PDXDC1: variants seen among roughly 807,000 people sequenced by gnomAD.
PDXDC1 encodes the protein pyridoxal-dependent decarboxylase domain-containing protein 1.
PDXDC1 carries 42 observed loss-of-function variants against 100.1 expected under a neutral mutation model. The observed-to-expected ratio is 0.42, with a 90% CI of 0.33 to 0.54. PDXDC1 has a LOEUF of 0.54. Ranked by LOEUF, PDXDC1 falls within the 20% of genes least tolerant of loss-of-function variation. PDXDC1 has a pLI of 0.10. For missense variants in PDXDC1, 636 were observed against 979.2 expected, an observed-to-expected ratio of 0.65 and a Z score of 4.68; for synonymous variants, 260 against 371.7, an observed-to-expected ratio of 0.70 and a Z score of 3.46.
intron 16 of PDXDC1, among the ~76,000 whole-genome samples, chr16:15,082,462 C>G (rs2045747797): frequency 6.6e-6 from 1 of 152,042 alleles, no homozygotes; most frequent in African/African-American, 2.4e-5. Context: ...CGCTTGAGGT[C>G]AGGAGTTCAA....
intron 16 of PDXDC1, chr16:15,092,378 T>C (rs2046169409): frequency 5.9e-6 from 4 of 675,388 alleles, no homozygotes; most frequent in Non-Finnish European, 5.4e-6. Context: ...GACGGCATCA[T>C]GCTATTATTA....
chr16:14,995,046 A>G (rs1361952144), intron 1 of PDXDC1, among the ~76,000 whole-genome samples: 5 of 152,422 alleles, frequency 3.3e-5, no homozygotes, highest in Admixed American at 1.3e-4. Flanking sequence ...TTGGGCTGAG[A>G]CGATGGGGTT....
At chr16:15,128,195 G>T (rs1336540446) in intron 16 of PDXDC1, 1 of 1,610,556 alleles carries the variant, frequency 6.2e-7, no homozygotes, top group Middle Eastern at 2.3e-4. Flanking sequence ...GGGCAGAGGG[G>T]CAGAGCTTGG....
intron 1 of PDXDC1, among the ~76,000 whole-genome samples, chr16:14,984,495 A>ATATATATATATTTTTTT (rs1555542734): frequency 1.4e-5 from 1 of 73,498 alleles, no homozygotes; most frequent in African/African-American, 5.0e-5. Context: ...ATATATATAT[A>ATATATATATATTTTTTT]TTTTTTTTTT....
intron 16 of PDXDC1, among the ~76,000 whole-genome samples, chr16:15,049,786 G>A (rs889413899): frequency 1.3e-5 from 2 of 152,146 alleles, no homozygotes; most frequent in African/African-American, 4.8e-5. Context: ...AGTAAATTGG[G>A]CACAGAACCA....
intron 16 of PDXDC1, chr16:15,084,494 G>A: frequency 1.7e-6 from 1 of 578,828 alleles, no homozygotes. Context: ...GCCACTTTTT[G>A]TAGAATGTAA....
chr16:15,041,713 T>C (rs925977498), downstream of PDXDC1: 10 of 1,482,474 alleles, frequency 6.7e-6, no homozygotes, highest in Non-Finnish European at 9.4e-6. Flanking sequence ...GTCAGAAAAG[T>C]TCCTCTAGTT....
intron 16 of PDXDC1, among the ~76,000 whole-genome samples, chr16:15,071,740 C>T (rs1422566084): frequency 2.6e-5 from 4 of 152,264 alleles, no homozygotes; most frequent in African/African-American, 9.6e-5. Context: ...TACACTCCAG[C>T]CTGGGTGACA....
At chr16:15,086,341 C>T in intron 16 of PDXDC1, 6 of 1,612,862 alleles carry the variant, frequency 3.7e-6, no homozygotes, top group Non-Finnish European at 5.1e-6. Context: ...ACATACTTTA[C>T]AGTAAAATAA....
intron 16 of PDXDC1, chr16:15,086,024 T>C (rs2045904294): frequency 5.9e-6 from 5 of 845,676 alleles, no homozygotes; most frequent in East Asian, 2.7e-5. Context: ...GGTGCCAATA[T>C]GCATCTGGAA....
At chr16:15,089,274 G>C (rs2046024619) in intron 16 of PDXDC1, among the ~76,000 whole-genome samples, 2 of 152,012 alleles carry the variant, frequency 1.3e-5, no homozygotes, top group Admixed American at 1.3e-4. Context: ...CTAGGTGACA[G>C]AGCAAGACTC....
intron 1 of PDXDC1, among the ~76,000 whole-genome samples, chr16:14,978,300 T>C (rs924845099): frequency 6.6e-6 from 1 of 152,294 alleles, no homozygotes; most frequent in African/African-American, 2.4e-5. Context: ...GTACTTATGT[T>C]AATATTCAAT....
At chr16:15,133,513 T>C in intron 16 of PDXDC1, 1 of 894,758 alleles carries the variant, frequency 1.1e-6, no homozygotes, top group South Asian at 1.4e-5. Flanking sequence ...CCACAGCGGC[T>C]CCCAGCTGGT....
chr16:15,043,584 A>C (rs534767181), intron 16 of PDXDC1, among the ~76,000 whole-genome samples: 1 of 152,212 alleles, frequency 6.6e-6, no homozygotes, highest in South Asian at 2.1e-4. Flanking sequence ...CCATCATATG[A>C]GTAAGCTTGC....
intron 16 of PDXDC1, chr16:15,061,814 G>C (rs755227377): frequency 1.9e-6 from 3 of 1,614,146 alleles, no homozygotes; most frequent in Middle Eastern, 1.6e-4. Context: ...TCGGAAATGC[G>C]TGTCAAAGGA....
chr16:15,048,430 G>C (rs1161341702), intron 16 of PDXDC1, among the ~76,000 whole-genome samples: 3 of 152,118 alleles, frequency 2.0e-5, no homozygotes, highest in Non-Finnish European at 2.9e-5. Flanking sequence ...ATGTTGCCCA[G>C]GCTGGTCTTG....
chr16:15,022,137 A>G (rs1430163468), intron 12 of PDXDC1, among the ~76,000 whole-genome samples: 6 of 152,414 alleles, frequency 3.9e-5, no homozygotes, highest in South Asian at 4.1e-4. Context: ...GTCTAATGAC[A>G]CTACATTCTA....
At chr16:14,988,693 C>G in intron 1 of PDXDC1, 1 of 1,613,688 alleles carries the variant, frequency 6.2e-7, no homozygotes. Context: ...TTGATATGGT[C>G]GTTCTTGTAG....
rs578157007 is a variant in PDXDC1 at position 15,046,601 on chromosome 16, T to G, written c.1399+16545T>G. Among the ~76,000 whole-genome samples the G allele has an allele frequency of 6.9e-4, 104 of 150,518 alleles. 1 individual carries two copies. The highest frequency in any genetic ancestry group is 3.7e-4 in the Non-Finnish European group (25 of 67,864). On this transcript the variant is annotated intron_variant, in intron 16 of 16. Coordinates refer to the PDXDC1 transcript ENST00000535621. ...GCAATCCTTGGGGAAACTACCAATC[T>G]GCTGGAATTTAAAACTATACCCCTC... is the stretch of plus-strand genomic sequence containing the variant.
Sources: gnomAD v4.1 joint callset for allele counts (sites outside exome capture counted in the v4.1 genomes callset) on GRCh38, gnomAD v4.1.1 for gene constraint, MANE v1.5 for transcripts, NCBI Gene and HGNC (gene_info 2026-07-23, HGNC 2026-07-21) for gene names.